LITAF: variants seen among roughly 807,000 people sequenced by gnomAD.
The protein encoded by LITAF is lipopolysaccharide induced TNF factor.
In LITAF, 9 loss-of-function variants were observed where a neutral mutation model predicts 14.5. The observed-to-expected ratio is 0.62, with a 90% CI of 0.37 to 1.08. LITAF has a LOEUF of 1.08. Among genes scored for constraint, LITAF ranks in the 50% least tolerant of loss-of-function variants. The pLI, the probability that LITAF is intolerant of heterozygous loss-of-function variation, is 0.01. For synonymous variants in LITAF, 98 were observed against 88.2 expected (o/e 1.11, Z -0.62); for missense variants, 206 against 213.4 (o/e 0.97, Z 0.22).
intron 1 of LITAF, among the ~76,000 whole-genome samples, chr16:11,597,049 G>C (rs1367186226): frequency 1.3e-5 from 2 of 152,162 alleles, no homozygotes; most frequent in African/African-American, 4.8e-5. Context: ...ATTTGCACCA[G>C]GTCTGGCTGA....
At chr16:11,555,865 T>C (rs1308583230) in intron 2 of LITAF, among the ~76,000 whole-genome samples, 1 of 152,110 alleles carries the variant, frequency 6.6e-6, no homozygotes, top group African/African-American at 2.4e-5. Context: ...AAATAGGTAC[T>C]TGATGAAACC....
At chr16:11,622,696 C>T (rs147070561) in intron 3 of LITAF, among the ~76,000 whole-genome samples, 2 of 152,250 alleles carry the variant, frequency 1.3e-5, no homozygotes, top group Non-Finnish European at 2.9e-5. Flanking sequence ...GTGAAGGATA[C>T]TGGAGGGGTA....
intron 1 of LITAF, among the ~76,000 whole-genome samples, chr16:11,598,017 C>A (rs140883553): frequency 8.7e-4 from 132 of 152,288 alleles, no homozygotes; most frequent in African/African-American, 2.9e-3. Flanking sequence ...GCAATTCTCC[C>A]GCCTCAGACA....
chr16:11,581,783 T>C (rs1235445563), intron 1 of LITAF, among the ~76,000 whole-genome samples: 1 of 151,936 alleles, frequency 6.6e-6, no homozygotes, highest in Non-Finnish European at 1.5e-5. Flanking sequence ...TTTAAAGGAA[T>C]CTCCCAAACT....
At chr16:11,567,700 C>G (rs2064474866) in intron 1 of LITAF, among the ~76,000 whole-genome samples, 1 of 151,332 alleles carries the variant, frequency 6.6e-6, no homozygotes, top group Admixed American at 6.6e-5. Context: ...GAGGGTAGTT[C>G]CAGGCCGGGC....
upstream of LITAF, among the ~76,000 whole-genome samples, chr16:11,638,701 CAAAAAAAAAAAAAAAAAA>C (rs57170972): frequency 8.8e-4 from 67 of 75,958 alleles, no homozygotes; most frequent in African/African-American, 1.3e-3. Flanking sequence ...GACTCTGTCT[CAAAAAAAAAAAAAAAAAA>C]AAAAAAAAAA....
chr16:11,580,490 T>A (rs1567251229), intron 1 of LITAF, among the ~76,000 whole-genome samples: 1 of 152,138 alleles, frequency 6.6e-6, no homozygotes, highest in African/African-American at 2.4e-5. Flanking sequence ...ACTCCTGACC[T>A]CATGATCCAC....
chr16:11,605,801 C>T lies in LITAF; in HGVS notation c.85+27732G>A, dbSNP rs2064952450. Among the ~76,000 whole-genome samples, 1 of 152,106 alleles carries T rather than the reference C, an allele frequency of 6.6e-6. No homozygotes were observed. Among genetic ancestry groups the T allele is most frequent in the African/African-American group, 2.4e-5 (1 of 41,432 alleles). ...AGAAGCAAGAGAGTTACCGTGAGAG[C>T]CCCGAGAGCTTCCCACACTACACAT... On this transcript the variant is annotated intron_variant, in intron 3 of 3. Coordinates refer to the LITAF transcript ENST00000574848. The surrounding 1 kb of genome is among the most constrained non-coding windows in gnomAD (Gnocchi z 4.7).
At chr16:11,618,893 G>C (rs1178528700) in intron 3 of LITAF, among the ~76,000 whole-genome samples, 1 of 152,038 alleles carries the variant, frequency 6.6e-6, no homozygotes, top group Non-Finnish European at 1.5e-5. Flanking sequence ...TGAGGCAGGA[G>C]AATCGCGTGA....
At position 11,610,349 on chromosome 16, in the gene LITAF, T is replaced by A. The variant is rs536099935; in HGVS notation, c.85+23184A>T. ...GGGGTCTATTAAGTTTCTAAAATTA[T>A]GCCTAGGTTGGAGGGTTGGTGGGGG... On this transcript the variant is annotated intron_variant, in intron 3 of 3. Coordinates refer to the LITAF transcript ENST00000574848. Among the ~76,000 whole-genome samples the A allele has an allele frequency of 2.0e-5, 3 of 152,292 alleles. No homozygotes were observed. The East Asian group carries it at 5.8e-4, about 29-fold the overall frequency.
At chr16:11,576,461 A>T (rs538985389) in intron 1 of LITAF, among the ~76,000 whole-genome samples, 3 of 150,656 alleles carry the variant, frequency 2.0e-5, no homozygotes, top group Non-Finnish European at 4.4e-5. Flanking sequence ...AGAGCAAGAC[A>T]CTGTCTCAAA....
upstream of LITAF, among the ~76,000 whole-genome samples, chr16:11,637,021 C>T (rs141268494): frequency 6.6e-6 from 1 of 152,140 alleles, no homozygotes; most frequent in East Asian, 1.9e-4. Flanking sequence ...AGGCGCACAC[C>T]ACCAGCGTGC....
chr16:11,580,819 C>T (rs984492353), intron 1 of LITAF, among the ~76,000 whole-genome samples: 3 of 152,154 alleles, frequency 2.0e-5, no homozygotes, highest in Admixed American at 6.5e-5. Context: ...GGCGGGAGTG[C>T]GGTGGCACTA....
chr16:11,570,417 G>C (rs2064524185), intron 1 of LITAF, among the ~76,000 whole-genome samples: 1 of 152,142 alleles, frequency 6.6e-6, no homozygotes, highest in African/African-American at 2.4e-5. Context: ...CCGCCACAGG[G>C]ACCTGTTCTG....
At chr16:11,600,707 C>T (rs999273713), upstream of LITAF, among the ~76,000 whole-genome samples, 1 of 152,152 alleles carries the variant, frequency 6.6e-6, no homozygotes, top group Non-Finnish European at 1.5e-5. The surrounding 1 kb of genome is among the most constrained non-coding windows in gnomAD (Gnocchi z 4.1). Context: ...TCAGCCCACA[C>T]TCCCCATTCT....
intron 3 of LITAF, among the ~76,000 whole-genome samples, chr16:11,626,494 T>G (rs2065084769): frequency 6.6e-6 from 1 of 152,192 alleles, no homozygotes; most frequent in South Asian, 2.1e-4. Flanking sequence ...CAGGCAGGCA[T>G]CACCATGCCT....
In LITAF at chr16:11,632,594, G is replaced by T. The variant is rs1271059053; in HGVS notation, c.85+939C>A. 6.6e-6 allele frequency among the ~76,000 whole-genome samples: 1 copy of T among 152,200 alleles called. No homozygotes were observed. Among genetic ancestry groups the T allele is most frequent in the Non-Finnish European group, 1.5e-5 (1 of 68,030 alleles). ...CTCTTTGGCCTGCGCTCCCTGGCAC[G>T]TGGGATCCCTTGGCCCCATCTGGAG... On this transcript the variant is annotated intron_variant, in intron 3 of 3. Transcript: ENST00000574848. This position sits in a 1 kb window ranked among gnomAD's most constrained non-coding sequence, Gnocchi z 4.8.
chr16:11,599,370 G>T (rs538313852), upstream of LITAF, among the ~76,000 whole-genome samples: 1 of 152,044 alleles, frequency 6.6e-6, no homozygotes, highest in South Asian at 2.1e-4. Context: ...CACCCACCTC[G>T]GACTGCCAAA....
chr16:11,628,713 G>A (rs2065100127), intron 3 of LITAF, among the ~76,000 whole-genome samples: 1 of 150,808 alleles, frequency 6.6e-6, no homozygotes. Context: ...GTCTTGCTCT[G>A]TCATCCAGGC....
Sources: gnomAD v4.1 joint callset for allele counts (sites outside exome capture counted in the v4.1 genomes callset) on GRCh38, gnomAD v4.1.1 for gene constraint, Gnocchi (gnomAD v3.1) non-coding constraint, MANE v1.5 for transcripts, NCBI Gene and HGNC (gene_info 2026-07-23, HGNC 2026-07-21) for gene names.